The following ILDR1 variants were observed in gnomAD, a reference collection of about 807,000 sequenced individuals.
The protein encoded by ILDR1 is immunoglobulin like domain containing receptor 1, also known as immunoglobulin-like domain-containing receptor 1.
ILDR1 carries 56 observed loss-of-function variants against 62.4 expected under a neutral mutation model. The observed-to-expected ratio is 0.90, with a 90% CI of 0.72 to 1.12. The LOEUF is 1.12. Ranked by LOEUF, ILDR1 falls within the 50% of genes most tolerant of loss-of-function variation. The probability of loss-of-function intolerance (pLI) is 0.00; values close to 1 mark genes in which losing one functional copy is unlikely to be tolerated. For synonymous variants in ILDR1, 284 were observed against 277.8 expected (o/e 1.02, Z -0.22); for missense variants, 736 against 710.6 (o/e 1.04, Z -0.41).
the ILDR1 span, among the ~76,000 whole-genome samples, chr3:122,049,221 C>G: frequency 1.3e-5 from 2 of 152,008 alleles, no homozygotes; most frequent in Admixed American, 6.6e-5. Context: ...TGGTTTCATT[C>G]CATTGTGATT....
At chr3:122,000,302 C>G (rs1322035915) in intron 5 of ILDR1, among the ~76,000 whole-genome samples, 3 of 149,704 alleles carry the variant, frequency 2.0e-5, no homozygotes, top group African/African-American at 7.4e-5. Context: ...CTCCTGACCT[C>G]TGGAGAGGGG....
At chr3:122,005,051 A>G (rs2071583190) in intron 3 of ILDR1, among the ~76,000 whole-genome samples, 193 bp downstream of exon 3, 1 of 152,224 alleles carries the variant, frequency 6.6e-6, no homozygotes, top group African/African-American at 2.4e-5. Context: ...CCAGAGACCA[A>G]CTTCCAGGGA....
intron 5 of ILDR1, among the ~76,000 whole-genome samples, chr3:121,994,696 A>G (rs2107646487): frequency 6.6e-6 from 1 of 152,358 alleles, no homozygotes; most frequent in South Asian, 2.1e-4. Flanking sequence ...GGCCAGAAAC[A>G]GAAGGTCCAG....
At chr3:122,009,334 C>CACACAA (rs2071668690) in intron 1 of ILDR1, among the ~76,000 whole-genome samples, 1 of 146,676 alleles carries the variant, frequency 6.8e-6, no homozygotes, top group South Asian at 2.1e-4. Context: ...AACACACACA[C>CACACAA]ACACACACAC....
chr3:122,009,748 C>A (rs1009735747), intron 1 of ILDR1, among the ~76,000 whole-genome samples: 1 of 152,250 alleles, frequency 6.6e-6, no homozygotes, highest in African/African-American at 2.4e-5. Context: ...CTAGGTGGGC[C>A]TGTCTTGAAC....
rs1329811037 is a variant in ILDR1 at position 121,993,461 on chromosome 3, C to A, written c.1288G>T (p.Ala430Ser). 1 of 1,614,064 alleles carries A rather than the reference C, an allele frequency of 6.2e-7. No individual in the cohort carries two copies. The highest frequency in any genetic ancestry group is 8.5e-7 in the Non-Finnish European group (1 of 1,179,928). The change falls in exon 7 of 8, where the codon GCA becomes TCA. Residue 430 changes from alanine (A) to serine (S), a missense_variant. Ala to Ser is a moderately conservative substitution (Grantham distance 99). Transcript: ENST00000344209. ...GGAGGGTGGCTCGGCCGCCAGCGTGCCTCACTGGATGAGGGGACATCGCTT... is the reference window on the plus strand; with the variant it reads ...GGAGGGTGGCTCGGCCGCCAGCGTGACTCACTGGATGAGGGGACATCGCTT... ...SLSDVPSSSEARWRPSHPPFR... is the reference protein window; with the variant it reads ...SLSDVPSSSESRWRPSHPPFR...
In ILDR1 at chr3:122,021,943, C is replaced by T. The variant is rs978940737; in HGVS notation, c.58+77G>A. The T allele has an allele frequency of 2.1e-6, 3 of 1,433,872 alleles. No individual in the cohort carries two copies. The African/African-American group carries it at 4.2e-5, about 20-fold the overall frequency. The allele number at this position is 1,433,872 out of a possible 1,614,324, so 88.8% of individuals were successfully genotyped here. ...CAGGCCTCCACTGCCCTGCCCGCGG[C>T]CAGCTCTGCAAGGCCACGCCACAAT... On this transcript the variant is annotated intron_variant, in intron 1 of 7. Coordinates refer to ENST00000344209, the MANE Select transcript of ILDR1 (RefSeq NM_001199799.2).
At chr3:122,001,487 A>G (rs1470842251) in intron 4 of ILDR1, 33 bp from the exon 5 acceptor site, 2 of 1,612,488 alleles carry the variant, frequency 1.2e-6, no homozygotes. Flanking sequence ...GGGTTGAACT[A>G]AATATTCAGG....
the ILDR1 span, among the ~76,000 whole-genome samples, chr3:122,056,686 T>C: frequency 6.6e-6 from 1 of 152,228 alleles, no homozygotes; most frequent in Non-Finnish European, 1.5e-5. Flanking sequence ...AACTTTCATC[T>C]ACCCAGTGCT....
chr3:121,993,363 T>TCGTCTCC lies in ILDR1; in HGVS notation c.1379_1385dup (p.Arg463GlufsTer22), dbSNP rs749753650. 6.2e-7 allele frequency: 1 copy of TCGTCTCC among 1,610,148 alleles called. No individual in the cohort carries two copies. Among genetic ancestry groups the TCGTCTCC allele is most frequent in the Admixed American group, 1.7e-5 (1 of 59,936 alleles). Reference sequence around the variant, plus strand: ...GAGGAGAGTAGCTGCGGTGCCTGCGTCGTCTCCCGTGCCTCTGAGTGCTCT... The same window carrying TCGTCTCC: ...GAGGAGAGTAGCTGCGGTGCCTGCGTCGTCTCCCGTCTCCCGTGCCTCTGAGTGCTCT... On this transcript the variant is annotated frameshift_variant, in exon 7 of 8. Coordinates refer to ENST00000344209, the MANE Select transcript of ILDR1 (RefSeq NM_001199799.2). LOFTEE classifies it high-confidence loss of function.
At chr3:122,057,580 T>C in the ILDR1 span, among the ~76,000 whole-genome samples, 3 of 152,206 alleles carry the variant, frequency 2.0e-5, no homozygotes, top group Non-Finnish European at 2.9e-5. Flanking sequence ...GAATCCCATC[T>C]GTAGGCAGAA....
upstream of ILDR1, chr3:122,022,282 C>G: frequency 2.2e-6 from 1 of 460,758 alleles, no homozygotes; most frequent in Non-Finnish European, 3.8e-6. Flanking sequence ...CCCACGGCTC[C>G]GCCTCCCGCC....
the ILDR1 span, among the ~76,000 whole-genome samples, chr3:122,033,296 C>T: frequency 6.6e-6 from 1 of 151,318 alleles, no homozygotes; most frequent in East Asian, 1.9e-4. Context: ...GATATCCTTT[C>T]TTGAGTCTCG....
At chr3:122,010,269 C>T (rs768818102) in intron 1 of ILDR1, among the ~76,000 whole-genome samples, 32 of 151,982 alleles carry the variant, frequency 2.1e-4, no homozygotes, top group Non-Finnish European at 3.5e-4. Flanking sequence ...GGAGGTGGGG[C>T]GATGGGGTGA....
At chr3:122,030,873 A>G in the ILDR1 span, among the ~76,000 whole-genome samples, 1 of 152,242 alleles carries the variant, frequency 6.6e-6, no homozygotes, top group Non-Finnish European at 1.5e-5. Context: ...ATCTGCAGCC[A>G]GAGCTGAGAA....
At chr3:122,007,204 T>A (rs757125958) in intron 1 of ILDR1, 43 bp from the exon 2 acceptor site, 3 of 1,613,786 alleles carry the variant, frequency 1.9e-6, no homozygotes, top group Non-Finnish European at 2.5e-6. Context: ...TGACCTACTC[T>A]GCTCATGGGT....
intron 5 of ILDR1, among the ~76,000 whole-genome samples, chr3:121,996,002 C>T (rs2071430960): frequency 2.0e-5 from 3 of 152,128 alleles, no homozygotes; most frequent in South Asian, 4.1e-4. Flanking sequence ...AAAAACCTTC[C>T]CTGCAGGCAC....
intron 1 of ILDR1, among the ~76,000 whole-genome samples, chr3:122,013,854 G>A (rs2071738667): frequency 6.6e-6 from 1 of 152,144 alleles, no homozygotes; most frequent in Non-Finnish European, 1.5e-5. Context: ...GAAGGAAAGT[G>A]CTATGTGCTG....
chr3:122,056,301 T>C, the ILDR1 span, among the ~76,000 whole-genome samples: 1 of 152,154 alleles, frequency 6.6e-6, no homozygotes, highest in East Asian at 1.9e-4. Flanking sequence ...TCTTGGGTGG[T>C]GGCAGCTGGC....
Sources: allele counts gnomAD v4.1 joint callset (sites outside exome capture counted in the v4.1 genomes callset), GRCh38; gene constraint gnomAD v4.1.1; transcripts MANE v1.5; gene names NCBI Gene and HGNC (gene_info 2026-07-23, HGNC 2026-07-21).